INPP4B: variants seen among roughly 807,000 people sequenced by gnomAD.
INPP4B encodes inositol polyphosphate-4-phosphatase type II B.
Under a neutral mutation model 122.5 loss-of-function variants are expected in INPP4B, and 55 were observed. The observed-to-expected ratio is 0.45, with a 90% CI of 0.36 to 0.56. The LOEUF (loss-of-function observed/expected upper bound fraction) is 0.56. INPP4B is among the 20% of genes least tolerant of loss of function. The pLI, the probability that INPP4B is intolerant of heterozygous loss-of-function variation, is 0.00. For missense variants in INPP4B, 1,000 were observed against 1,097.7 expected (o/e 0.91, Z 1.26); for synonymous variants, 403 against 388.7 (o/e 1.04, Z -0.43).
At chr4:142,394,900 T>A (rs1562002574) in intron 7 of INPP4B, among the ~76,000 whole-genome samples, 1 of 152,198 alleles carries the variant, frequency 6.6e-6, no homozygotes, top group African/African-American at 2.4e-5. Context: ...GTGACAGAAC[T>A]TTTCCCCCAC....
chr4:142,463,471 T>A (rs1476915256), intron 2 of INPP4B, among the ~76,000 whole-genome samples: 2 of 152,114 alleles, frequency 1.3e-5, no homozygotes, highest in African/African-American at 4.8e-5. Context: ...TAGCTGGGAG[T>A]TTGTTCCTAA....
chr4:142,575,773 A>T (rs1733695439), intron 2 of INPP4B, among the ~76,000 whole-genome samples: 1 of 152,060 alleles, frequency 6.6e-6, no homozygotes, highest in Non-Finnish European at 1.5e-5. Flanking sequence ...TGAAACCAGA[A>T]GTAGTACAAA....
intron 10 of INPP4B, among the ~76,000 whole-genome samples, chr4:142,268,893 G>A (rs11943244): frequency 0.013 from 2,035 of 152,044 alleles, 48 homozygotes; most frequent in African/African-American, 0.047. Context: ...TTCCCCCGAC[G>A]AACAGATAGC....
intron 2 of INPP4B, among the ~76,000 whole-genome samples, chr4:142,660,197 A>T (rs1158700343): frequency 6.6e-6 from 1 of 151,964 alleles, no homozygotes; most frequent in Non-Finnish European, 1.5e-5. Context: ...CCCATCCCCC[A>T]CTTCATGGGT....
intron 1 of INPP4B, among the ~76,000 whole-genome samples, chr4:142,763,446 C>A (rs1336649270): frequency 6.6e-6 from 1 of 151,962 alleles, no homozygotes; most frequent in Non-Finnish European, 1.5e-5. Context: ...TATGTAAAAC[C>A]AAGAAACAAA....
At position 142,649,425 on chromosome 4, in the gene INPP4B, G is replaced by A. The variant is rs537066267; in HGVS notation, c.-191+76414C>T. 3.5e-3 allele frequency among the ~76,000 whole-genome samples: 536 copies of A among 152,252 alleles called. 3 individuals carry two copies. Among genetic ancestry groups the A allele is most frequent in the Non-Finnish European group, 5.6e-3 (384 of 68,030 alleles). On this transcript the variant is annotated intron_variant, in intron 2 of 25. Transcript: ENST00000262992. The stretch of plus-strand genomic sequence containing the variant: ...AAGGTCGGTAATAACAAACTTCTCC[G>A]AGCTAAAGAAGCATGTCCAAACCCA...
At chr4:142,769,583 C>T (rs1266474175) in intron 1 of INPP4B, among the ~76,000 whole-genome samples, 3 of 152,084 alleles carry the variant, frequency 2.0e-5, no homozygotes, top group Non-Finnish European at 4.4e-5. Context: ...ATTCATTACT[C>T]TTAAGTGATT....
intron 14 of INPP4B, among the ~76,000 whole-genome samples, chr4:142,196,122 T>C (rs1838110891): frequency 6.6e-6 from 1 of 152,218 alleles, no homozygotes; most frequent in Non-Finnish European, 1.5e-5. Flanking sequence ...TTGTTTATTG[T>C]TAAATCTAAA....
intron 24 of INPP4B, 30 bp downstream of exon 24, chr4:142,086,114 G>T: frequency 7.4e-7 from 1 of 1,348,918 alleles, no homozygotes; most frequent in Non-Finnish European, 1.1e-6. Context: ...TGACATGGCA[G>T]GAAATAAGAT....
chr4:142,194,818 G>A (rs1192749570), intron 14 of INPP4B, among the ~76,000 whole-genome samples: 1 of 152,108 alleles, frequency 6.6e-6, no homozygotes, highest in Non-Finnish European at 1.5e-5. Context: ...AATTGTAGTT[G>A]AAAGTAGCTA....
chr4:142,487,054 CG>C (rs1042038889), intron 2 of INPP4B, among the ~76,000 whole-genome samples: 1 of 152,092 alleles, frequency 6.6e-6, no homozygotes, highest in African/African-American at 2.4e-5. Context: ...GATTGAATCA[CG>C]GGGGTGGGTC....
At chr4:142,384,031 A>G (rs1003541031) in intron 7 of INPP4B, 1 of 700,372 alleles carries the variant, frequency 1.4e-6, no homozygotes, top group Non-Finnish European at 2.6e-6. Context: ...ACATTTGAAC[A>G]GGTGACTGAG....
intron 1 of INPP4B, among the ~76,000 whole-genome samples, chr4:142,763,568 CATAAT>C (rs1461660038): frequency 1.3e-5 from 2 of 152,050 alleles, no homozygotes; most frequent in African/African-American, 4.8e-5. Context: ...ACAATTACAA[CATAAT>C]ATAACATCAG....
At chr4:142,355,943 GAATTC>G (rs1271952365) in intron 7 of INPP4B, among the ~76,000 whole-genome samples, 1 of 151,014 alleles carries the variant, frequency 6.6e-6, no homozygotes, top group Non-Finnish European at 1.5e-5. Flanking sequence ...GAAATGAACA[GAATTC>G]AATAAGATTA....
chr4:142,798,886 T>A (rs1356347560), intron 1 of INPP4B, among the ~76,000 whole-genome samples: 1 of 150,792 alleles, frequency 6.6e-6, no homozygotes, highest in African/African-American at 2.4e-5. Context: ...TATACTAAAG[T>A]TATAGCCTTA....
chr4:142,320,047 G>A (rs1769401644), intron 7 of INPP4B, among the ~76,000 whole-genome samples: 1 of 152,136 alleles, frequency 6.6e-6, no homozygotes, highest in East Asian at 1.9e-4. Flanking sequence ...TCAGAATTTA[G>A]TTTCTTGCAA....
intron 14 of INPP4B, among the ~76,000 whole-genome samples, chr4:142,199,455 T>A (rs1406537166): frequency 6.6e-6 from 1 of 152,086 alleles, no homozygotes; most frequent in Non-Finnish European, 1.5e-5. Context: ...AGCTTATAAC[T>A]AAATTGCTAT....
chr4:142,841,392 C>A (rs138709543), intron 1 of INPP4B, among the ~76,000 whole-genome samples: 1 of 152,000 alleles, frequency 6.6e-6, no homozygotes, highest in Non-Finnish European at 1.5e-5. Flanking sequence ...AGCAAAGCCC[C>A]ATGAAAATGA....
At chr4:142,066,933 G>T (rs963823118) in intron 25 of INPP4B, among the ~76,000 whole-genome samples, 4 of 152,232 alleles carry the variant, frequency 2.6e-5, no homozygotes, top group South Asian at 4.1e-4. Flanking sequence ...AGAAACTTCT[G>T]CAGACTTAAA....
Sources: allele counts gnomAD v4.1 joint callset (sites outside exome capture counted in the v4.1 genomes callset), GRCh38; gene constraint gnomAD v4.1.1; transcripts MANE v1.5; gene names NCBI Gene and HGNC (gene_info 2026-07-23, HGNC 2026-07-21).